Variants in RABGEF1 observed in about 807,000 individuals in gnomAD.
RABGEF1 encodes the protein rab5 GDP/GTP exchange factor.
A neutral mutation model predicts 57.3 loss-of-function variants in RABGEF1; 26 were observed. The observed-to-expected ratio is 0.45, with a 90% CI of 0.33 to 0.63. The LOEUF (loss-of-function observed/expected upper bound fraction) is 0.63. RABGEF1 is among the 20% of genes least tolerant of loss of function. The pLI, the probability that RABGEF1 is intolerant of heterozygous loss-of-function variation, is 0.02. For synonymous variants in RABGEF1, 185 were observed against 210.7 expected (o/e 0.88, Z 1.06); for missense variants, 464 against 607.6 (o/e 0.76, Z 2.48).
the RABGEF1 span, among the ~76,000 whole-genome samples, chr7:66,674,202 T>C: frequency 5.9e-5 from 9 of 151,960 alleles, no homozygotes; most frequent in Non-Finnish European, 1.5e-5. Context: ...CTTTTTTTTT[T>C]TTTTTGTGAT....
Position 66,748,776 on chromosome 7 carries a change from G to T in RABGEF1, c.-18+7984G>T, listed in dbSNP as rs116577928. 907 of 157,168 alleles carry T rather than the reference G, an allele frequency of 5.8e-3. 18 individuals are homozygous for T. The highest frequency in any genetic ancestry group is 0.02 in the African/African-American group (835 of 41,564). 9.7% of individuals were successfully genotyped at this position (157,168 alleles called of 1,614,324 possible). On this transcript the variant is annotated intron_variant, in intron 1 of 8. Coordinates refer to ENST00000284957, the MANE Select transcript of RABGEF1 (RefSeq NM_014504.3). ...TACCTTCACTATCAATTGTATTTTT[G>T]TGCTAAATCACTTGGTTATGAGAGC...
At chr7:66,776,776 T>G (rs1808661195) in intron 3 of RABGEF1, among the ~76,000 whole-genome samples, 2 of 152,222 alleles carry the variant, frequency 1.3e-5, no homozygotes, top group Non-Finnish European at 2.9e-5. Context: ...TGTAGCAATT[T>G]TATCTCTACG....
At chr7:66,799,537 A>C in intron 7 of RABGEF1, 123 bp downstream of exon 7, 1 of 759,928 alleles carries the variant, frequency 1.3e-6, no homozygotes, top group Non-Finnish European at 2.1e-6. Context: ...ATGTAGTAAA[A>C]GTGATTTGTA....
At chr7:66,674,192 C>CTTT in the RABGEF1 span, among the ~76,000 whole-genome samples, 5 of 139,324 alleles carry the variant, frequency 3.6e-5, no homozygotes, top group East Asian at 4.1e-4. Flanking sequence ...CCACTAAAGG[C>CTTT]TTTTTTTTTT....
chr7:66,742,670 G>A (rs1046929562), intron 1 of RABGEF1, among the ~76,000 whole-genome samples: 3 of 152,102 alleles, frequency 2.0e-5, no homozygotes, highest in Non-Finnish European at 2.9e-5. Context: ...ACAGTGACAC[G>A]ATCACGAGTC....
chr7:66,786,878 C>T (rs1437869549), intron 4 of RABGEF1, among the ~76,000 whole-genome samples: 1 of 152,164 alleles, frequency 6.6e-6, no homozygotes, highest in Non-Finnish European at 1.5e-5. Context: ...GCAGCTATGT[C>T]ATTAACACAA....
rs570805110 is a variant in RABGEF1 at position 66,775,197 on chromosome 7, A to G, written c.180-30A>G. On this transcript the variant is annotated intron_variant, in intron 2 of 8. Transcript: ENST00000284957. ...TACAGAGAAACCTTGGAGAATATCT[A>G]GGTCATTCTAATCCTCTCTTGAATT... 47 of 1,588,552 alleles carry G rather than the reference A, an allele frequency of 3.0e-5. 1 individual carries two copies. The Middle Eastern group carries it at 5.2e-4, about 17-fold the overall frequency.
Position 66,811,018 on chromosome 7 carries a change from A to G in RABGEF1, c.*1734A>G, listed in dbSNP as rs1433650189. The G allele has an allele frequency of 6.6e-6, 1 of 152,206 alleles. No individual in the cohort carries two copies. The highest frequency in any genetic ancestry group is 1.5e-5 in the Non-Finnish European group (1 of 68,042). 9.4% of individuals were successfully genotyped at this position (152,206 alleles called of 1,614,324 possible). A position where few individuals can be genotyped will look rare whatever the true frequency, so the allele number is the denominator to read the frequency against. On this transcript the variant is annotated 3_prime_UTR_variant, in exon 9 of 9. Transcript: ENST00000284957. ...AATGCCAGTGAGAATCTTCTTATAG[A>G]ATAACCTGGGCCCAAGTGATTTTAG... is the stretch of plus-strand genomic sequence containing the variant.
intron 1 of RABGEF1, among the ~76,000 whole-genome samples, chr7:66,706,462 T>G (rs1004688378): frequency 3.9e-5 from 6 of 152,042 alleles, no homozygotes; most frequent in Admixed American, 6.6e-5. Flanking sequence ...CAGGCTGGAG[T>G]GCAGTGGTGT....
rs200039143 is a variant in RABGEF1 at position 66,749,818 on chromosome 7, T to TA, written c.-18+9032dup. ...AACCCCGTCTCTACTAAAAATATTT[T>TA]AAAAAATTAGCTGGGTGTGATGGTG... is the stretch of plus-strand genomic sequence containing the variant. On this transcript the variant is annotated intron_variant, in intron 1 of 8. Coordinates refer to ENST00000284957, the MANE Select transcript of RABGEF1 (RefSeq NM_014504.3). Among the ~76,000 whole-genome samples, 5 of 151,814 alleles carry TA rather than the reference T, an allele frequency of 3.3e-5. No homozygotes were observed. The East Asian group carries it at 7.8e-4, about 24-fold the overall frequency.
At chr7:66,678,422 G>A (rs1295494725), upstream of RABGEF1, among the ~76,000 whole-genome samples, 66 of 151,322 alleles carry the variant, frequency 4.4e-4, no homozygotes, top group Admixed American at 3.6e-3. Flanking sequence ...AAAATTAGCC[G>A]GGCGTGGTGG....
At chr7:66,772,961 A>G (rs1468515702) in intron 2 of RABGEF1, among the ~76,000 whole-genome samples, 1 of 152,038 alleles carries the variant, frequency 6.6e-6, no homozygotes, top group African/African-American at 2.4e-5. Flanking sequence ...GCTAGTGAGC[A>G]TAGGAACTAA....
intron 1 of RABGEF1, among the ~76,000 whole-genome samples, chr7:66,687,924 A>G (rs1023083351): frequency 5.3e-5 from 8 of 152,076 alleles, no homozygotes; most frequent in Non-Finnish European, 8.8e-5. Flanking sequence ...TGTCTGTACT[A>G]AAAATACAAA....
the RABGEF1 span, among the ~76,000 whole-genome samples, chr7:66,664,090 A>AG: frequency 2.0e-5 from 3 of 152,028 alleles, no homozygotes; most frequent in African/African-American, 7.2e-5. Flanking sequence ...AAAAAAAAAA[A>AG]AAAAAGCTAA....
chr7:66,684,720 C>T (rs1222328481), intron 1 of RABGEF1, among the ~76,000 whole-genome samples: 3 of 152,050 alleles, frequency 2.0e-5, no homozygotes, highest in East Asian at 1.9e-4. Context: ...CTGCAAGCTC[C>T]GCCTCCAGGG....
chr7:66,697,088 C>T (rs1792462168), intron 1 of RABGEF1, among the ~76,000 whole-genome samples: 1 of 152,208 alleles, frequency 6.6e-6, no homozygotes, highest in East Asian at 1.9e-4. Context: ...CCCTCTGTGT[C>T]AACCAGGAAG....
chr7:66,687,449 A>T (rs73377543), intron 1 of RABGEF1, among the ~76,000 whole-genome samples: 2 of 150,328 alleles, frequency 1.3e-5, no homozygotes, highest in Admixed American at 6.7e-5. Flanking sequence ...TCCAGACTCC[A>T]TAACCAAGAG....
At chr7:66,692,301 G>T (rs1298658119) in intron 1 of RABGEF1, among the ~76,000 whole-genome samples, 1 of 152,102 alleles carries the variant, frequency 6.6e-6, no homozygotes, top group Non-Finnish European at 1.5e-5. Context: ...TTCTTTGTTG[G>T]CTTTTTTTCC....
chr7:66,687,132 T>TTC (rs1437588587), intron 1 of RABGEF1, among the ~76,000 whole-genome samples: 1 of 145,230 alleles, frequency 6.9e-6, no homozygotes, highest in Non-Finnish European at 1.5e-5. Context: ...TTTTTTTTTT[T>TTC]TTTCTTTTTT....
Sources: allele counts gnomAD v4.1 joint callset (sites outside exome capture counted in the v4.1 genomes callset), GRCh38; gene constraint gnomAD v4.1.1; transcripts MANE v1.5; gene names NCBI Gene and HGNC (gene_info 2026-07-23, HGNC 2026-07-21).